The following FRMD4A variants were observed in gnomAD, a reference collection of about 807,000 sequenced individuals.
FRMD4A encodes the protein FERM domain-containing protein 4A.
Under a neutral mutation model 129.1 loss-of-function variants are expected in FRMD4A, and 29 were observed. That is an observed-to-expected ratio of 0.22 (90% CI 0.17 to 0.31). The LOEUF (loss-of-function observed/expected upper bound fraction) is 0.31. Among genes scored for constraint, FRMD4A ranks in the 10% least tolerant of loss-of-function variants. FRMD4A has a pLI of 1.00. For missense variants in FRMD4A, 1,272 were observed against 1,375.8 expected, an observed-to-expected ratio of 0.92 and a Z score of 1.19; for synonymous variants, 634 against 571.6, an observed-to-expected ratio of 1.11 and a Z score of -1.56.
chr10:13,884,240 A>ACACACACACACACACACACC (rs200093883), intron 2 of FRMD4A, among the ~76,000 whole-genome samples: 1 of 135,176 alleles, frequency 7.4e-6, no homozygotes, highest in East Asian at 2.6e-4. Flanking sequence ...ACACACACAC[A>ACACACACACACACACACACC]CTCCCTAAAA....
At chr10:13,924,146 G>C (rs188718817) in intron 2 of FRMD4A, among the ~76,000 whole-genome samples, 29 of 152,302 alleles carry the variant, frequency 1.9e-4, no homozygotes, top group Non-Finnish European at 3.7e-4. Flanking sequence ...TGGACATGCT[G>C]TCTCTGTTGC....
At chr10:13,876,601 TC>T in intron 2 of FRMD4A, among the ~76,000 whole-genome samples, 1 of 152,180 alleles carries the variant, frequency 6.6e-6, no homozygotes, top group Non-Finnish European at 1.5e-5. Flanking sequence ...TCCAGTTTAA[TC>T]TGTCGTTTTA....
At chr10:14,176,027 G>T (rs1841712676) in intron 2 of FRMD4A, among the ~76,000 whole-genome samples, 2 of 152,158 alleles carry the variant, frequency 1.3e-5, no homozygotes, top group African/African-American at 4.8e-5. Context: ...TATTTCTTGG[G>T]TATTGACTTA....
At chr10:14,214,468 G>A (rs894128077) in intron 2 of FRMD4A, among the ~76,000 whole-genome samples, 1 of 152,198 alleles carries the variant, frequency 6.6e-6, no homozygotes, top group Non-Finnish European at 1.5e-5. Context: ...AAATAAAAGA[G>A]TGAGTTTAAA....
chr10:13,866,945 C>T (rs942426390), intron 2 of FRMD4A, among the ~76,000 whole-genome samples: 36 of 152,132 alleles, frequency 2.4e-4, no homozygotes, highest in Admixed American at 1.3e-4. Context: ...GAAACTCTGT[C>T]TCAAAAAACA....
rs115675785 is a variant in FRMD4A at position 14,285,963 on chromosome 10, G to A, written c.45+44095C>T. Among the ~76,000 whole-genome samples, 1,431 of 152,192 alleles carry A rather than the reference G, an allele frequency of 9.4e-3. 24 individuals carry two copies. The highest frequency in any genetic ancestry group is 0.032 in the African/African-American group (1,339 of 41,528). On this transcript the variant is annotated intron_variant, in intron 2 of 24. Coordinates refer to ENST00000357447, the MANE Select transcript of FRMD4A (RefSeq NM_018027.5). ...CATTTAGTCAAAAACGCAAGATGGC[G>A]GATCCAAAAAAATGCAAAATGGTGG...
In FRMD4A at chr10:13,654,485, G is replaced by C. The variant is rs568514807; in HGVS notation, c.2981C>G (p.Ser994Trp). 1.2e-6 allele frequency: 2 copies of C among 1,613,538 alleles called. No individual in the cohort carries two copies. The highest frequency in any genetic ancestry group is 1.3e-5 in the African/African-American group (1 of 74,904). The change falls in exon 23 of 25, where the codon TCG (serine) becomes TGG (tryptophan). Residue 994 changes from serine to tryptophan, a missense_variant. Coordinates refer to ENST00000357447, the MANE Select transcript of FRMD4A (RefSeq NM_018027.5). ...GGCTCCAATTTCACTTGACGGTGTC[G>C]AGCTTCTCTGGCTTTGAGGTAAGGC... ...SAALPQSQRS[S>W]TPSSEIGATP...
chr10:14,003,617 G>A (rs774789920), intron 2 of FRMD4A: 1 of 152,170 alleles, frequency 6.6e-6, no homozygotes, highest in Non-Finnish European at 1.5e-5. Context: ...CTCATAGGCG[G>A]GCATCTCAGG....
intron 8 of FRMD4A, among the ~76,000 whole-genome samples, chr10:13,753,820 T>C (rs2091740605): frequency 6.6e-6 from 1 of 152,204 alleles, no homozygotes; most frequent in Admixed American, 6.5e-5. Flanking sequence ...GCTGGGATTA[T>C]AGGCGTGAGC....
At chr10:14,218,587 C>T (rs970688174) in intron 2 of FRMD4A, among the ~76,000 whole-genome samples, 2 of 152,160 alleles carry the variant, frequency 1.3e-5, no homozygotes, top group African/African-American at 4.8e-5. Context: ...GGCACGGTGT[C>T]TCACGCCTGT....
At chr10:13,693,762 T>C (rs1267257476) in intron 15 of FRMD4A, 136 bp downstream of exon 15, 5 of 911,926 alleles carry the variant, frequency 5.5e-6, no homozygotes, top group Non-Finnish European at 8.7e-6. Context: ...ATCCCAACCT[T>C]GGTCTGGAAA....
At chr10:14,035,900 G>C (rs1219355896) in intron 2 of FRMD4A, among the ~76,000 whole-genome samples, 1 of 152,148 alleles carries the variant, frequency 6.6e-6, no homozygotes, top group Admixed American at 6.5e-5. Context: ...AAATTAGCCA[G>C]GCGTGGTGGT....
chr10:14,060,642 T>C (rs1834764195), intron 2 of FRMD4A, among the ~76,000 whole-genome samples: 1 of 152,230 alleles, frequency 6.6e-6, no homozygotes, highest in African/African-American at 2.4e-5. Context: ...CAATAATATG[T>C]GTCAAATGCC....
chr10:14,315,090 G>T (rs1846688506), intron 2 of FRMD4A, among the ~76,000 whole-genome samples: 1 of 151,746 alleles, frequency 6.6e-6, no homozygotes, highest in Non-Finnish European at 1.5e-5. Flanking sequence ...CTTTCTGACT[G>T]TTCCTTTCTT....
intron 2 of FRMD4A, among the ~76,000 whole-genome samples, chr10:13,895,480 C>T (rs1175187376): frequency 6.6e-6 from 1 of 152,070 alleles, no homozygotes; most frequent in Admixed American, 6.5e-5. Context: ...ACTGTATCCC[C>T]ACAACCAGAA....
intron 2 of FRMD4A, among the ~76,000 whole-genome samples, chr10:14,155,038 C>T (rs1462257305): frequency 6.6e-6 from 1 of 152,220 alleles, no homozygotes; most frequent in Non-Finnish European, 1.5e-5. Context: ...CACTTGTCAT[C>T]CCAGCACTTT....
Position 13,974,911 on chromosome 10 carries a change from A to G in FRMD4A, c.46-115999T>C, listed in dbSNP as rs150910758. Among the ~76,000 whole-genome samples, 510 of 152,384 alleles carry G rather than the reference A, an allele frequency of 3.3e-3. 2 individuals are homozygous for G. Among genetic ancestry groups the G allele is most frequent in the Non-Finnish European group, 5.1e-3 (346 of 68,040 alleles). Reference sequence around the variant, plus strand: ...CTGAGAGGCTGTGCGTGCAAGTGGCATGACTGCCATTGAGAACAATGCCCT... The same window carrying G: ...CTGAGAGGCTGTGCGTGCAAGTGGCGTGACTGCCATTGAGAACAATGCCCT... On this transcript the variant is annotated intron_variant, in intron 2 of 24. Transcript: ENST00000357447.
Position 13,810,894 on chromosome 10 carries a change from G to C in FRMD4A, c.126C>G (p.Ala42=). The C allele has an allele frequency of 6.3e-7, 1 of 1,589,834 alleles. No individual in the cohort carries two copies. Among genetic ancestry groups the C allele is most frequent in the Non-Finnish European group, 8.6e-7 (1 of 1,158,938 alleles). Residue 42 remains alanine (A), a synonymous_variant, in exon 4 of 25, where the codon GCC becomes GCG. Coordinates refer to ENST00000357447, the MANE Select transcript of FRMD4A (RefSeq NM_018027.5). The part of the protein sequence containing the change: ...LELLVQPKLL[A]KELLDLVASH... ...AAGCCACAAGGTCAAGAAGCTCCTTGGCCAACAGCTTGGGCTGCAAGAAGA... is the reference window on the plus strand; with the variant it reads ...AAGCCACAAGGTCAAGAAGCTCCTTCGCCAACAGCTTGGGCTGCAAGAAGA...
intron 2 of FRMD4A, among the ~76,000 whole-genome samples, chr10:14,159,737 C>T (rs978249622): frequency 2.0e-5 from 3 of 152,120 alleles, no homozygotes; most frequent in Non-Finnish European, 4.4e-5. Context: ...AGAGGTATCA[C>T]CTGATGGAAC....
Sources: gnomAD v4.1 joint callset for allele counts (sites outside exome capture counted in the v4.1 genomes callset) on GRCh38, gnomAD v4.1.1 for gene constraint, MANE v1.5 for transcripts, NCBI Gene and HGNC (gene_info 2026-07-23, HGNC 2026-07-21) for gene names.